TAFA2: variants seen among roughly 807,000 people sequenced by gnomAD.
TAFA2 encodes the protein chemokine-like protein TAFA-2.
TAFA2 carries 7 observed loss-of-function variants against 18.8 expected under a neutral mutation model. That is an observed-to-expected ratio of 0.37 (90% CI 0.21 to 0.70). The LOEUF is 0.70. Among genes scored for constraint, TAFA2 ranks in the 30% least tolerant of loss-of-function variants. The pLI is 0.53. For synonymous variants in TAFA2, 60 were observed against 54.2 expected, an observed-to-expected ratio of 1.11 and a Z score of -0.47; for missense variants, 122 against 158.1, an observed-to-expected ratio of 0.77 and a Z score of 1.23.
chr12:61,798,960 T>C (rs554099013), intron 2 of TAFA2, among the ~76,000 whole-genome samples: 46 of 152,304 alleles, frequency 3.0e-4, no homozygotes, highest in African/African-American at 1.0e-3. Context: ...CAAGTGCCAA[T>C]AGTTTGAACT....
chr12:61,785,481 A>G lies in TAFA2; in HGVS notation c.107-30457T>C, dbSNP rs370065381. Among the ~76,000 whole-genome samples, 4 of 151,466 alleles carry G rather than the reference A, an allele frequency of 2.6e-5. No homozygotes were observed. The East Asian group carries it at 7.8e-4, about 30-fold the overall frequency. On this transcript the variant is annotated intron_variant, in intron 2 of 4. Transcript: ENST00000416284. ...ACTCATAAGGAATCACAGTAATTGA[A>G]CATGATATCACATTGTACTAGAGGG...
Position 62,152,303 on chromosome 12 carries a change from T to C in TAFA2, c.-2+38956A>G, listed in dbSNP as rs1168870110. Among the ~76,000 whole-genome samples, 4 of 152,340 alleles carry C rather than the reference T, an allele frequency of 2.6e-5. No individual in the cohort carries two copies. In the East Asian group the frequency reaches 7.7e-4, roughly 29 times the overall value. ...ACTACTGGAAGAAATGTCAGTTTCT[T>C]ACACAGATAAAACAGCACAGGCATA... On this transcript the variant is annotated intron_variant, in intron 1 of 4. Transcript: ENST00000416284.
chr12:62,200,062 G>C (rs1020571506), intron 1 of TAFA2, among the ~76,000 whole-genome samples: 3 of 152,120 alleles, frequency 2.0e-5, no homozygotes, highest in Non-Finnish European at 4.4e-5. Flanking sequence ...CTCTTGAGAA[G>C]TGTCTCTGTT....
At chr12:61,896,156 C>A (rs961044293) in intron 1 of TAFA2, among the ~76,000 whole-genome samples, 7 of 152,004 alleles carry the variant, frequency 4.6e-5, no homozygotes, top group Non-Finnish European at 8.8e-5. Context: ...ATCGATGAGG[C>A]AATGGAAAGC....
intron 1 of TAFA2, among the ~76,000 whole-genome samples, chr12:61,959,363 C>G (rs1286149666): frequency 6.6e-6 from 1 of 151,934 alleles, no homozygotes; most frequent in Non-Finnish European, 1.5e-5. Context: ...GTCACATGGT[C>G]TTTGTATAGG....
intron 2 of TAFA2, chr12:61,776,052 G>T: frequency 2.4e-6 from 1 of 416,002 alleles, no homozygotes; most frequent in Non-Finnish European, 4.6e-6. Context: ...AGACATAAGG[G>T]AATGGGTACT....
At chr12:61,745,136 A>T (rs188458013) in intron 4 of TAFA2, among the ~76,000 whole-genome samples, 1 of 152,050 alleles carries the variant, frequency 6.6e-6, no homozygotes, top group Non-Finnish European at 1.5e-5. Context: ...AGAAATATCA[A>T]ATTTAAGGTG....
intron 2 of TAFA2, among the ~76,000 whole-genome samples, chr12:61,862,735 G>A (rs1874179026): frequency 2.0e-5 from 3 of 152,040 alleles, no homozygotes; most frequent in South Asian, 2.1e-4. Context: ...ACCTATTGCT[G>A]CTTTGCCTGG....
At chr12:62,065,814 C>T (rs1477877874) in intron 1 of TAFA2, among the ~76,000 whole-genome samples, 1 of 151,566 alleles carries the variant, frequency 6.6e-6, no homozygotes, top group Non-Finnish European at 1.5e-5. Flanking sequence ...CTGTACTCAG[C>T]CTTATCATCC....
intron 1 of TAFA2, among the ~76,000 whole-genome samples, chr12:62,117,014 C>A (rs555145165): frequency 6.6e-6 from 1 of 152,194 alleles, no homozygotes; most frequent in African/African-American, 2.4e-5. Context: ...AGGTGAGGAT[C>A]CAGGGAGAAA....
chr12:62,043,440 A>G (rs1881817805), intron 1 of TAFA2, among the ~76,000 whole-genome samples: 1 of 151,574 alleles, frequency 6.6e-6, no homozygotes, highest in Non-Finnish European at 1.5e-5. Context: ...AGGAAGGGGA[A>G]CATCACACTC....
chr12:62,076,537 T>C (rs1166606714), intron 1 of TAFA2, among the ~76,000 whole-genome samples: 1 of 152,182 alleles, frequency 6.6e-6, no homozygotes, highest in East Asian at 1.9e-4. Flanking sequence ...TCTAATGTTC[T>C]CCTCACTACT....
chr12:62,204,862 C>T (rs557291887), intron 1 of TAFA2, among the ~76,000 whole-genome samples: 1 of 152,140 alleles, frequency 6.6e-6, no homozygotes, highest in African/African-American at 2.4e-5. Flanking sequence ...CAGTTCTATG[C>T]CCTTGCTGGG....
intron 1 of TAFA2, among the ~76,000 whole-genome samples, chr12:62,123,257 C>A (rs1320357765): frequency 6.6e-6 from 1 of 152,128 alleles, no homozygotes; most frequent in Admixed American, 6.5e-5. Context: ...CTCAATAAGT[C>A]TGTTTGGATA....
chr12:62,110,725 G>A (rs1389788583), intron 1 of TAFA2, among the ~76,000 whole-genome samples: 1 of 151,148 alleles, frequency 6.6e-6, no homozygotes, highest in Non-Finnish European at 1.5e-5. Context: ...TTGGGAGGGT[G>A]TATGTGTCCA....
chr12:62,259,742 C>T (rs529959164), upstream of TAFA2: 2 of 152,724 alleles, frequency 1.3e-5, no homozygotes, highest in East Asian at 3.9e-4. Context: ...ACATGTTTTT[C>T]ACTGCAGCTT....
At chr12:61,746,878 C>A (rs1269858214) in intron 4 of TAFA2, among the ~76,000 whole-genome samples, 1 of 151,982 alleles carries the variant, frequency 6.6e-6, no homozygotes, top group Non-Finnish European at 1.5e-5. Flanking sequence ...TTCACAAAGT[C>A]TTTTGAAGAG....
At chr12:61,939,194 T>A (rs1410889560) in intron 1 of TAFA2, among the ~76,000 whole-genome samples, 4 of 152,212 alleles carry the variant, frequency 2.6e-5, no homozygotes, top group Non-Finnish European at 5.9e-5. Context: ...TAATTTGAAT[T>A]TACCATTTAA....
chr12:61,895,882 T>TA, intron 1 of TAFA2, among the ~76,000 whole-genome samples: 1 of 152,194 alleles, frequency 6.6e-6, no homozygotes, highest in South Asian at 2.1e-4. Flanking sequence ...ATCCTAAAGA[T>TA]ACGTGTCAGA....
Sources: gnomAD v4.1 joint callset for allele counts (sites outside exome capture counted in the v4.1 genomes callset) on GRCh38, gnomAD v4.1.1 for gene constraint, MANE v1.5 for transcripts, NCBI Gene and HGNC (gene_info 2026-07-23, HGNC 2026-07-21) for gene names.